NUDC: variants seen among roughly 807,000 people sequenced by gnomAD.
The protein encoded by NUDC is nuclear migration protein nudC.
Under a neutral mutation model 45.0 loss-of-function variants are expected in NUDC, and 14 were observed. The observed-to-expected ratio is 0.31, with a 90% confidence interval of 0.21 to 0.49. The LOEUF is 0.49. Ranked by LOEUF, NUDC falls within the 20% of genes least tolerant of loss-of-function variation. The pLI, the probability that NUDC is intolerant of heterozygous loss-of-function variation, is 0.99. For synonymous variants in NUDC, 153 were observed against 156.7 expected (o/e 0.98, Z 0.17); for missense variants, 323 against 426.2 (o/e 0.76, Z 2.13).
intron 2 of NUDC, among the ~76,000 whole-genome samples, chr1:26,939,519 G>A (rs749522740): frequency 3.3e-5 from 5 of 152,092 alleles, no homozygotes; most frequent in Non-Finnish European, 5.9e-5. Flanking sequence ...CCCAGCCACT[G>A]GGGAGGCTGA....
chr1:26,929,079 T>G (rs1285188173), intron 2 of NUDC, among the ~76,000 whole-genome samples: 1 of 152,158 alleles, frequency 6.6e-6, no homozygotes, highest in East Asian at 1.9e-4. Context: ...TTATTCTGCC[T>G]TAAAAGGGAA....
At chr1:26,920,780 A>AAC (rs1553162586), upstream of NUDC, among the ~76,000 whole-genome samples, 4 of 151,170 alleles carry the variant, frequency 2.6e-5, no homozygotes, top group Middle Eastern at 3.2e-3. Context: ...AAAAAACAAA[A>AAC]AAAAAAAAAC....
chr1:26,911,596 G>A, intron 3 of NUDC: 1 of 535,286 alleles, frequency 1.9e-6, no homozygotes, highest in South Asian at 2.0e-5. Flanking sequence ...CTCATCCCAA[G>A]AAGGGACAGG....
intron 3 of NUDC, among the ~76,000 whole-genome samples, chr1:26,916,226 C>CA (rs954501564): frequency 1.3e-3 from 185 of 140,722 alleles, no homozygotes; most frequent in East Asian, 4.5e-3. Flanking sequence ...TCATCTCTAC[C>CA]AAAAAAAAAA....
chr1:26,908,187 AAAAG>A (rs2082010528), intron 2 of NUDC, among the ~76,000 whole-genome samples: 1 of 152,026 alleles, frequency 6.6e-6, no homozygotes, highest in Admixed American at 6.6e-5. Flanking sequence ...CTAAAAAAAA[AAAAG>A]AGTCTTAGCA....
intron 3 of NUDC, chr1:26,913,935 G>T: frequency 1.4e-6 from 2 of 1,475,510 alleles, no homozygotes; most frequent in Non-Finnish European, 1.8e-6. Flanking sequence ...GTTGGCTGGT[G>T]CTCATGGTTA....
At chr1:26,909,928 T>C (rs1023780679) in intron 2 of NUDC, among the ~76,000 whole-genome samples, 2 of 151,918 alleles carry the variant, frequency 1.3e-5, no homozygotes, top group Non-Finnish European at 2.9e-5. Context: ...AGGAGGGACA[T>C]TGAAGTCACC....
chr1:26,929,230 A>G (rs773406203), intron 2 of NUDC, among the ~76,000 whole-genome samples: 11 of 151,876 alleles, frequency 7.2e-5, no homozygotes, highest in Non-Finnish European at 1.2e-4. Context: ...CCACTGATGG[A>G]AAATATTTGG....
chr1:26,921,961 C>G, intron 1 of NUDC, 32 bp downstream of exon 1: 1 of 1,544,224 alleles, frequency 6.5e-7, no homozygotes. Context: ...GCCCACCCGG[C>G]GGCCTTGGCC....
At chr1:26,907,665 G>A (rs1248655405) in intron 2 of NUDC, among the ~76,000 whole-genome samples, 1 of 152,148 alleles carries the variant, frequency 6.6e-6, no homozygotes, top group Non-Finnish European at 1.5e-5. Flanking sequence ...AGATAATGAT[G>A]GCAATAAAAT....
chr1:26,915,803 C>T (rs891409340), intron 3 of NUDC, among the ~76,000 whole-genome samples: 1 of 152,154 alleles, frequency 6.6e-6, no homozygotes, highest in Non-Finnish European at 1.5e-5. Flanking sequence ...CACCAGTGGA[C>T]AAACAGGCAC....
chr1:26,917,973 T>TACACACAC (rs113458577), upstream of NUDC, among the ~76,000 whole-genome samples: 1 of 147,444 alleles, frequency 6.8e-6, no homozygotes, highest in African/African-American at 2.5e-5. Flanking sequence ...AATGAATGTG[T>TACACACAC]ACACACACAC....
chr1:26,901,525 C>T lies in NUDC; in HGVS notation c.-100-757C>T, dbSNP rs575912842. Among the ~76,000 whole-genome samples the T allele has an allele frequency of 4.6e-5, 7 of 151,672 alleles. No homozygotes were observed. In the East Asian group the frequency reaches 1.4e-3, roughly 29 times the overall value. ...GTTCAAGCAATTCTCCTGTCTCAGC[C>T]TCCCGAGTAGCTGGGACTACAGGTG... On this transcript the variant is annotated intron_variant, in intron 1 of 6. Transcript: ENST00000435827.
At chr1:26,938,073 G>C (rs1165606265) in intron 2 of NUDC, among the ~76,000 whole-genome samples, 1 of 152,222 alleles carries the variant, frequency 6.6e-6, no homozygotes, top group Non-Finnish European at 1.5e-5. Flanking sequence ...AGAGTGACAG[G>C]CTTGGATTTA....
At chr1:26,900,441 A>C (rs1023435141) in intron 1 of NUDC, 1 of 1,608,176 alleles carries the variant, frequency 6.2e-7, no homozygotes, top group Non-Finnish European at 8.5e-7. Context: ...GGGCACCGCC[A>C]TCTTGGATTG....
chr1:26,900,379 A>AG (rs781187931), exon 1 of NUDC: 1 of 1,613,840 alleles, frequency 6.2e-7, no homozygotes, highest in Non-Finnish European at 8.5e-7. Context: ...CGCAACACGG[A>AG]GGGGATACCG....
Position 26,911,831 on chromosome 1 carries a change from TG to T in NUDC, c.93+599del, listed in dbSNP as rs773526452. On this transcript the variant is annotated intron_variant, in intron 3 of 6. Transcript: ENST00000435827. ...AGCCTCTGCCCACCTGATCTCTGCC[TG>T]GGCTGGAACAGGTCACCTGAGCAAA... 4.3e-6 allele frequency: 7 copies of T among 1,614,012 alleles called. No individual in the cohort carries two copies. In the African/African-American group the frequency reaches 8.0e-5, roughly 18 times the overall value.
In NUDC at chr1:26,942,788, G is replaced by T; in HGVS notation, c.546+12G>T. The T allele has an allele frequency of 6.2e-7, 1 of 1,614,214 alleles. No homozygotes were observed. The highest frequency in any genetic ancestry group is 2.2e-5 in the East Asian group (1 of 44,888). ...TGTCGGAGCTGGACGTGAGTGTCAG[G>T]GACCAGAGGTAAAGCTTAGGGGGCC... On this transcript the variant is annotated intron_variant, in intron 5 of 8. Transcript: ENST00000321265.
At chr1:26,908,446 A>C (rs1326950916) in intron 2 of NUDC, among the ~76,000 whole-genome samples, 2 of 152,262 alleles carry the variant, frequency 1.3e-5, no homozygotes, top group Non-Finnish European at 2.9e-5. Flanking sequence ...GCAAGGAAAT[A>C]GGGCACGGGG....
Sources: allele counts gnomAD v4.1 joint callset (sites outside exome capture counted in the v4.1 genomes callset), GRCh38; gene constraint gnomAD v4.1.1; transcripts MANE v1.5; gene names NCBI Gene and HGNC (gene_info 2026-07-23, HGNC 2026-07-21).